Variants in DNAH14 observed in about 807,000 individuals in gnomAD.
The protein encoded by DNAH14 is axonemal beta dynein heavy chain 14.
Under a neutral mutation model 520.9 loss-of-function variants are expected in DNAH14, and 478 were observed. The ratio of observed to expected loss-of-function variants is 0.92; its 90% confidence interval spans 0.85 to 0.99. The LOEUF (loss-of-function observed/expected upper bound fraction) is 0.99. Among genes scored for constraint, DNAH14 ranks in the 50% least tolerant of loss-of-function variants. DNAH14 has a pLI of 0.00. For missense variants in DNAH14, 4,831 were observed against 5,234.5 expected (o/e 0.92, Z 2.38); for synonymous variants, 1,581 against 1,757.2 (o/e 0.90, Z 2.51).
chr1:224,983,601 T>A (rs1326532504), intron 8 of DNAH14, among the ~76,000 whole-genome samples: 2 of 152,124 alleles, frequency 1.3e-5, no homozygotes, highest in Admixed American at 6.6e-5. Flanking sequence ...AAAGAGGAAG[T>A]CAAACTGTCC....
At chr1:225,057,298 T>A (rs2069249547) in intron 17 of DNAH14, among the ~76,000 whole-genome samples, 1 of 152,230 alleles carries the variant, frequency 6.6e-6, no homozygotes, top group African/African-American at 2.4e-5. Flanking sequence ...GCAGCAATTG[T>A]GAATGGAAGT....
In DNAH14 at chr1:225,389,622, G is replaced by A. The variant is rs1011384269; in HGVS notation, c.13191-112G>A. ...GGCCTGATAAGAGTCCTGCATTGGGGGAATCGAAATGAAAAGTAAAAGAAG... is the reference window on the plus strand; with the variant it reads ...GGCCTGATAAGAGTCCTGCATTGGGAGAATCGAAATGAAAAGTAAAAGAAG... On this transcript the variant is annotated intron_variant, in intron 82 of 85. Transcript: ENST00000682510. The A allele has an allele frequency of 5.6e-6, 7 of 1,243,386 alleles. No homozygotes were observed. The South Asian group carries it at 9.5e-5, about 17-fold the overall frequency. 77.0% of individuals were successfully genotyped at this position (1,243,386 alleles called of 1,614,324 possible). A position where few individuals can be genotyped will look rare whatever the true frequency, so the allele number is the denominator to read the frequency against.
At chr1:225,012,623 A>C (rs947537678) in intron 10 of DNAH14, among the ~76,000 whole-genome samples, 4 of 151,972 alleles carry the variant, frequency 2.6e-5, no homozygotes, top group African/African-American at 9.7e-5. Flanking sequence ...TGGTCTTTTC[A>C]CATAGTCTCA....
At chr1:225,195,905 T>C (rs1177436359) in intron 38 of DNAH14, among the ~76,000 whole-genome samples, 3 of 152,116 alleles carry the variant, frequency 2.0e-5, no homozygotes, top group Non-Finnish European at 2.9e-5. Flanking sequence ...GGTGGGAGTG[T>C]TATTGCCACA....
At chr1:225,147,664 G>A (rs545743972) in intron 31 of DNAH14, among the ~76,000 whole-genome samples, 18 of 152,004 alleles carry the variant, frequency 1.2e-4, no homozygotes, top group African/African-American at 4.3e-4. Context: ...AAGTTCAGGG[G>A]CACATGTGCA....
At chr1:225,374,081 C>T (rs2095654712) in intron 77 of DNAH14, among the ~76,000 whole-genome samples, 1 of 132,878 alleles carries the variant, frequency 7.5e-6, no homozygotes, top group Non-Finnish European at 1.6e-5. Context: ...TGCACTCCAG[C>T]CTGGGCAACA....
chr1:225,318,458 AAGAT>A, intron 60 of DNAH14, 121 bp from the exon 61 acceptor site: 1 of 824,940 alleles, frequency 1.2e-6, no homozygotes, highest in South Asian at 2.0e-5. Flanking sequence ...TAAGTCATAA[AAGAT>A]GCATAACTTA....
intron 27 of DNAH14, among the ~76,000 whole-genome samples, chr1:225,130,318 G>A (rs1256618975): frequency 2.0e-5 from 3 of 151,880 alleles, no homozygotes; most frequent in African/African-American, 4.8e-5. Flanking sequence ...CCCATTACTG[G>A]GTATATACCC....
rs1575058211 is a variant in DNAH14, at chr1:225,368,576, T to C, written c.12318+544T>C. Among the ~76,000 whole-genome samples, 4 of 152,218 alleles carry C rather than the reference T, an allele frequency of 2.6e-5. No individual in the cohort carries two copies. The South Asian group carries it at 8.3e-4, about 31-fold the overall frequency. ...GCTTTATTGCAGGGTGTTTTCTTTA[T>C]TGCTAAATTAAACACGTGGTAGCAT... On this transcript the variant is annotated intron_variant, in intron 77 of 85. Transcript: ENST00000682510.
At chr1:224,978,068 G>A (rs542311388) in intron 8 of DNAH14, among the ~76,000 whole-genome samples, 2 of 152,338 alleles carry the variant, frequency 1.3e-5, no homozygotes, top group East Asian at 1.9e-4. Context: ...TGGTGGGAAT[G>A]TAAATTAGCA....
intron 17 of DNAH14, among the ~76,000 whole-genome samples, chr1:225,057,678 CT>C (rs1299399280): frequency 2.0e-5 from 3 of 152,150 alleles, no homozygotes. Context: ...CCATAGATAG[CT>C]TTTGTTATTT....
intron 41 of DNAH14, among the ~76,000 whole-genome samples, chr1:225,227,006 A>T (rs2090601095): frequency 6.6e-6 from 1 of 152,192 alleles, no homozygotes; most frequent in Non-Finnish European, 1.5e-5. Context: ...TCTCACCTCC[A>T]GTCATAAGGT....
intron 17 of DNAH14, among the ~76,000 whole-genome samples, chr1:225,055,710 G>A (rs887712292): frequency 3.2e-5 from 4 of 123,282 alleles, no homozygotes; most frequent in African/African-American, 1.3e-4. Flanking sequence ...AATAGGCCCT[G>A]TTGTGTGATG....
At chr1:225,237,482 T>C (rs1430834047) in intron 42 of DNAH14, among the ~76,000 whole-genome samples, 1 of 152,226 alleles carries the variant, frequency 6.6e-6, no homozygotes, top group African/African-American at 2.4e-5. Flanking sequence ...AAGTCTACTG[T>C]TAGTCTGATG....
intron 9 of DNAH14, among the ~76,000 whole-genome samples, 191 bp from the exon 10 acceptor site, chr1:225,007,222 T>A (rs1031370311): frequency 1.3e-5 from 2 of 152,232 alleles, no homozygotes; most frequent in African/African-American, 2.4e-5. Flanking sequence ...TGTATTTTTC[T>A]GTATTTTAAT....
chr1:225,312,219 G>T (rs961074922), intron 60 of DNAH14, among the ~76,000 whole-genome samples: 5 of 152,068 alleles, frequency 3.3e-5, no homozygotes, highest in African/African-American at 1.2e-4. Context: ...TGGTGAATGG[G>T]AGTTTGCTCA....
chr1:224,944,361 C>T (rs1254451148), intron 1 of DNAH14, among the ~76,000 whole-genome samples: 4 of 152,064 alleles, frequency 2.6e-5, no homozygotes, highest in African/African-American at 9.7e-5. Flanking sequence ...TTCCTCCATC[C>T]CTTTATTTTG....
At chr1:225,106,648 A>T (rs1286861395) in intron 23 of DNAH14, among the ~76,000 whole-genome samples, 2 of 151,880 alleles carry the variant, frequency 1.3e-5, no homozygotes, top group Admixed American at 6.6e-5. Context: ...CATCACGGAT[A>T]CTCTTTCTTC....
intron 1 of DNAH14, among the ~76,000 whole-genome samples, chr1:224,940,363 A>G (rs976902327): frequency 6.6e-6 from 1 of 152,158 alleles, no homozygotes; most frequent in African/African-American, 2.4e-5. Context: ...AATAGACCCC[A>G]CTTTTTGATG....
Sources: gnomAD v4.1 joint callset for allele counts (sites outside exome capture counted in the v4.1 genomes callset) on GRCh38, gnomAD v4.1.1 for gene constraint, MANE v1.5 for transcripts, NCBI Gene and HGNC (gene_info 2026-07-23, HGNC 2026-07-21) for gene names.